LDLRAP1: variants seen among roughly 807,000 people sequenced by gnomAD.
LDLRAP1 encodes the protein low density lipoprotein receptor adapter protein 1.
A neutral mutation model predicts 37.8 loss-of-function variants in LDLRAP1; 30 were observed. The ratio of observed to expected loss-of-function variants is 0.79; its 90% confidence interval spans 0.59 to 1.08. The LOEUF (loss-of-function observed/expected upper bound fraction) is 1.08, where lower values mean the gene tolerates loss of function less well. Ranked by LOEUF, LDLRAP1 falls within the 50% of genes least tolerant of loss-of-function variation. LDLRAP1 has a pLI of 0.00. For missense variants in LDLRAP1, 375 were observed against 401.6 expected (o/e 0.93, Z 0.57); for synonymous variants, 156 against 169.8 (o/e 0.92, Z 0.63).
In LDLRAP1 at chr1:25,555,475, G is replaced by A. The variant is rs561584057; in HGVS notation, c.344+503G>A. Among the ~76,000 whole-genome samples, 18 of 152,268 alleles carry A rather than the reference G, an allele frequency of 1.2e-4. No homozygotes were observed. In the South Asian group the frequency reaches 3.7e-3, roughly 32 times the overall value. ...CAGACTATCCCCACCTCTCTCGGCT[G>A]GTCAGTTGTAGTTTTTCAGAACTGG... On this transcript the variant is annotated intron_variant, in intron 3 of 8. Transcript: ENST00000374338. This position sits in a 1 kb window ranked among gnomAD's most constrained non-coding sequence, Gnocchi z 4.7.
chr1:25,553,770 CAAAAAAA>C, intron 1 of LDLRAP1, 145 bp from the exon 2 acceptor site: 9 of 600,006 alleles, frequency 1.5e-5, no homozygotes, highest in African/African-American at 5.1e-5. Context: ...AACTCAGTCT[CAAAAAAA>C]AAAAAAAAAA....
the LDLRAP1 span, among the ~76,000 whole-genome samples, chr1:25,585,614 T>C: frequency 6.6e-6 from 1 of 152,212 alleles, no homozygotes; most frequent in Non-Finnish European, 1.5e-5. Context: ...CGTGAGCCAC[T>C]GTGCCTTACG....
At chr1:25,557,447 A>G in intron 4 of LDLRAP1, 180 bp downstream of exon 4, 1 of 609,646 alleles carries the variant, frequency 1.6e-6, no homozygotes, top group South Asian at 1.9e-5. Flanking sequence ...GTGGGGCTGC[A>G]GGCAGGCAGG....
chr1:25,571,491 C>T (rs2124710605), downstream of LDLRAP1, among the ~76,000 whole-genome samples: 1 of 152,372 alleles, frequency 6.6e-6, no homozygotes, highest in East Asian at 1.9e-4. Flanking sequence ...ATCTTGAACA[C>T]CAGCAGCATC....
Position 25,553,950 on chromosome 1 carries a change from G to T in LDLRAP1, c.117G>T (p.Arg39=). Residue 39 remains arginine (R), a synonymous_variant, in exon 2 of 9, where the codon CGG becomes CGT. Transcript: ENST00000374338. ...TGCCTGAGAACTGGACAGACACGCG[G>T]GAGACGCTGCTGGAGGGGATGCTGT... ...RKLPENWTDT[R]ETLLEGMLFS... The T allele has an allele frequency of 1.2e-6, 2 of 1,613,992 alleles. No homozygotes were observed. The highest frequency in any genetic ancestry group is 1.7e-6 in the Non-Finnish European group (2 of 1,180,010).
At chr1:25,576,016 G>A in the LDLRAP1 span, among the ~76,000 whole-genome samples, 1 of 151,524 alleles carries the variant, frequency 6.6e-6, no homozygotes, top group Admixed American at 6.6e-5. Flanking sequence ...ATCAGTTGAG[G>A]TCAGGAGTTT....
the LDLRAP1 span, among the ~76,000 whole-genome samples, chr1:25,582,369 T>C: frequency 5.9e-5 from 9 of 151,884 alleles, no homozygotes; most frequent in Admixed American, 2.0e-4. Flanking sequence ...GGCAGATCAC[T>C]AGATATGGAG....
the LDLRAP1 span, among the ~76,000 whole-genome samples, chr1:25,579,096 G>A: frequency 6.6e-6 from 1 of 152,290 alleles, no homozygotes; most frequent in South Asian, 2.1e-4. Flanking sequence ...TGTAGCGCTT[G>A]TCGATTTCCT....
chr1:25,558,216 T>C (rs781122432), intron 4 of LDLRAP1, among the ~76,000 whole-genome samples: 7 of 152,182 alleles, frequency 4.6e-5, no homozygotes, highest in East Asian at 1.9e-4. Flanking sequence ...TGATGTAGCA[T>C]TGACACCTGT....
downstream of LDLRAP1, among the ~76,000 whole-genome samples, chr1:25,571,759 A>T (rs2044607093): frequency 6.6e-6 from 1 of 152,250 alleles, no homozygotes; most frequent in South Asian, 2.1e-4. Context: ...CCCAGCCCAG[A>T]GTAACCTTAG....
At chr1:25,581,188 T>C in the LDLRAP1 span, among the ~76,000 whole-genome samples, 1 of 152,150 alleles carries the variant, frequency 6.6e-6, no homozygotes, top group Non-Finnish European at 1.5e-5. Context: ...CCTCAGCACA[T>C]GGGCATTCTG....
chr1:25,552,806 C>G (rs182886032), intron 1 of LDLRAP1, among the ~76,000 whole-genome samples: 7 of 152,314 alleles, frequency 4.6e-5, no homozygotes, highest in Non-Finnish European at 1.0e-4. Flanking sequence ...CCCTCCTGGT[C>G]CATTTGCCCA....
chr1:25,560,103 CAT>C (rs2044308869), intron 4 of LDLRAP1, among the ~76,000 whole-genome samples: 1 of 152,038 alleles, frequency 6.6e-6, no homozygotes, highest in South Asian at 2.1e-4. Context: ...TGCACACCAG[CAT>C]GGGATTAACA....
At chr1:25,548,634 C>T (rs1382689977) in intron 1 of LDLRAP1, among the ~76,000 whole-genome samples, 2 of 152,024 alleles carry the variant, frequency 1.3e-5, no homozygotes, top group Non-Finnish European at 1.5e-5. Flanking sequence ...CAGACATGAG[C>T]TACCACGCCT....
Position 25,562,686 on chromosome 1 carries a change from G to A in LDLRAP1, c.502G>A (p.Ala168Thr), listed in dbSNP as rs939343549. The A allele has an allele frequency of 5.6e-6, 9 of 1,614,166 alleles. No homozygotes were observed. Among genetic ancestry groups the A allele is most frequent in the African/African-American group, 2.7e-5 (2 of 75,026 alleles). Residue 168 changes from alanine (A) to threonine (T), a missense_variant, in exon 5 of 9, where the codon GCC (alanine) becomes ACC (threonine). Coordinates refer to ENST00000374338, the MANE Select transcript of LDLRAP1 (RefSeq NM_015627.3). ...TLTVAQAFKV[A>T]FEFWQVSKEE... is the part of the protein sequence containing the mutation. Reference sequence around the variant, plus strand: ...CACCGTAGCCCAGGCCTTCAAAGTCGCCTTTGAGTTTTGGCAGGTGTCCAA... The same window carrying A: ...CACCGTAGCCCAGGCCTTCAAAGTCACCTTTGAGTTTTGGCAGGTGTCCAA...
At chr1:25,575,266 G>A in the LDLRAP1 span, among the ~76,000 whole-genome samples, 1 of 152,056 alleles carries the variant, frequency 6.6e-6, no homozygotes, top group Non-Finnish European at 1.5e-5. Flanking sequence ...GAGCATGGAG[G>A]TAGAAGTCAG....
chr1:25,560,465 A>G (rs1336077453), intron 4 of LDLRAP1, among the ~76,000 whole-genome samples: 2 of 152,038 alleles, frequency 1.3e-5, no homozygotes, highest in Non-Finnish European at 2.9e-5. Context: ...CCTCCAGGGA[A>G]TCCCTTCCAT....
At chr1:25,556,994 G>C (rs769449436) in intron 3 of LDLRAP1, among the ~76,000 whole-genome samples, 159 bp from the exon 4 acceptor site, 3 of 152,158 alleles carry the variant, frequency 2.0e-5, no homozygotes, top group Non-Finnish European at 4.4e-5. Flanking sequence ...AGATGGCCTA[G>C]GTACCCAGCC....
the LDLRAP1 span, among the ~76,000 whole-genome samples, chr1:25,586,918 G>T: frequency 6.6e-6 from 1 of 152,146 alleles, no homozygotes; most frequent in African/African-American, 2.4e-5. This position sits in a 1 kb window ranked among gnomAD's most constrained non-coding sequence, Gnocchi z 4.3. Context: ...TCCATGCTTA[G>T]CCATGATCAT....
Sources: gnomAD v4.1 joint callset for allele counts (sites outside exome capture counted in the v4.1 genomes callset) on GRCh38, gnomAD v4.1.1 for gene constraint, Gnocchi (gnomAD v3.1) non-coding constraint, MANE v1.5 for transcripts, NCBI Gene and HGNC (gene_info 2026-07-23, HGNC 2026-07-21) for gene names.